The following FSD1 variants were observed in gnomAD, a reference collection of about 807,000 sequenced individuals.
The protein encoded by FSD1 is fibronectin type III and SPRY domain-containing protein 1.
FSD1 carries 23 observed loss-of-function variants against 58.2 expected under a neutral mutation model. The observed-to-expected ratio is 0.40, with a 90% CI of 0.28 to 0.56. The LOEUF is 0.56. FSD1 is among the 20% of genes least tolerant of loss of function. The pLI is 0.54. For synonymous variants in FSD1, 265 were observed against 263.4 expected, an observed-to-expected ratio of 1.01 and a Z score of -0.06; for missense variants, 563 against 670.8, an observed-to-expected ratio of 0.84 and a Z score of 1.78.
intron 10 of FSD1, among the ~76,000 whole-genome samples, chr19:4,321,252 G>T (rs1273203260): frequency 5.9e-5 from 9 of 151,268 alleles, no homozygotes; most frequent in Admixed American, 6.6e-5. Context: ...GAGTATCTGG[G>T]GGAAACAGCT....
intron 8 of FSD1, among the ~76,000 whole-genome samples, 157 bp from the exon 9 acceptor site, chr19:4,318,189 G>A (rs769861104): frequency 4.6e-5 from 7 of 151,208 alleles, no homozygotes; most frequent in African/African-American, 9.7e-5. Context: ...CCGAGGCTTC[G>A]TCAGTCTCTT....
chr19:4,322,353 G>A (rs979951416), intron 10 of FSD1, among the ~76,000 whole-genome samples: 2 of 151,522 alleles, frequency 1.3e-5, no homozygotes, highest in Non-Finnish European at 2.9e-5. Context: ...GGAGGGGATA[G>A]CTGGGATCCC....
chr19:4,307,755 A>G, intron 3 of FSD1, 127 bp from the exon 4 acceptor site: 1 of 644,078 alleles, frequency 1.6e-6, no homozygotes, highest in South Asian at 2.0e-5. Flanking sequence ...CAAGGCTCCA[A>G]TCTCCATCTC....
chr19:4,308,278 G>C (rs1372440104), intron 4 of FSD1, among the ~76,000 whole-genome samples: 1 of 152,002 alleles, frequency 6.6e-6, no homozygotes, highest in Admixed American at 6.6e-5. Flanking sequence ...TGTGGTGGTG[G>C]GCGCCTGTAA....
intron 1 of FSD1, among the ~76,000 whole-genome samples, chr19:4,305,021 A>AC (rs1183977415): frequency 4.4e-5 from 4 of 90,598 alleles, no homozygotes; most frequent in Admixed American, 1.3e-4. Flanking sequence ...CCCATCCCTG[A>AC]CCCCCATCCC....
chr19:4,319,071 C>G, intron 10 of FSD1, 120 bp downstream of exon 10: 1 of 748,762 alleles, frequency 1.3e-6, no homozygotes. Flanking sequence ...AAGCTGCTCC[C>G]GGAATAACAG....
At chr19:4,322,941 G>A in intron 10 of FSD1, 45 bp from the exon 11 acceptor site, 1 of 1,575,046 alleles carries the variant, frequency 6.3e-7, no homozygotes, top group Admixed American at 1.8e-5. Flanking sequence ...CTGTGGCCCA[G>A]TTCTATCCAG....
rs760615368 is a variant in FSD1, at chr19:4,306,208, C to G, written c.122C>G (p.Ala41Gly). ...QMLLNVEANS[A>G]KVQEDLEAEF... ...GCTGTTCCGACCCAGGCGAACTCGG[C>G]GAAGGTGCAGGAGGACCTCGAAGCA... Residue 41 changes from alanine to glycine, a missense_variant, in exon 3 of 13, where the codon GCG (alanine) becomes GGG (glycine). Physicochemically the swap from Ala to Gly is moderately conservative, Grantham distance 60. Transcript: ENST00000221856. The G allele has an allele frequency of 6.2e-7, 1 of 1,613,826 alleles. No individual in the cohort carries two copies. The highest frequency in any genetic ancestry group is 1.3e-5 in the African/African-American group (1 of 74,950).
chr19:4,323,310 C>T lies in FSD1; in HGVS notation c.1292-38C>T, dbSNP rs1971725446. ...CCCTCCGTCTGCCCCCATCCCACTT[C>T]TGACCGGTCCCACTGTCACTCTGCC... On this transcript the variant is annotated intron_variant, in intron 11 of 12. Transcript: ENST00000221856. The surrounding 1 kb of genome is among the most constrained non-coding windows in gnomAD (Gnocchi z 7.7). The T allele has an allele frequency of 8.7e-6, 14 of 1,610,280 alleles. No individual in the cohort carries two copies. Among genetic ancestry groups the T allele is most frequent in the Non-Finnish European group, 1.2e-5 (14 of 1,178,002 alleles).
At position 4,322,993 on chromosome 19, in the gene FSD1, G is replaced by A. The variant is rs67511110; in HGVS notation, c.1047G>A (p.Thr349=). 116,110 of 1,609,780 alleles carry A rather than the reference G, an allele frequency of 0.072. 4,523 individuals are homozygous for A. The highest frequency in any genetic ancestry group is 0.085 in the African/African-American group (6,344 of 74,864). The change falls in exon 11 of 13, where the codon ACG becomes ACA. Residue 349 remains threonine, a synonymous_variant. Coordinates refer to ENST00000221856, the MANE Select transcript of FSD1 (RefSeq NM_024333.3). The part of the protein sequence containing the change: ...TAESYTVLGD[T]LIDGGEHYWE... Reference sequence around the variant, plus strand: ...TCCTGCCCTGCGCCACAGGGGACACGCTGATCGACGGCGGGGAGCATTACT... The same window carrying A: ...TCCTGCCCTGCGCCACAGGGGACACACTGATCGACGGCGGGGAGCATTACT...
At chr19:4,319,499 C>T (rs548747318) in intron 10 of FSD1, among the ~76,000 whole-genome samples, 2 of 152,162 alleles carry the variant, frequency 1.3e-5, no homozygotes, top group South Asian at 4.1e-4. Flanking sequence ...GGAATTGCTA[C>T]TGTTCAGAAT....
At chr19:4,308,449 G>C (rs1193173138) in intron 4 of FSD1, among the ~76,000 whole-genome samples, 1 of 152,128 alleles carries the variant, frequency 6.6e-6, no homozygotes, top group Non-Finnish European at 1.5e-5. Flanking sequence ...CAGGCTGGGT[G>C]CAGTGGCTCA....
chr19:4,306,191 G>T lies in FSD1; in HGVS notation c.112-7G>T. The T allele has an allele frequency of 6.2e-7, 1 of 1,613,806 alleles. No homozygotes were observed. The highest frequency in any genetic ancestry group is 8.5e-7 in the Non-Finnish European group (1 of 1,179,874). ...GGCTTTGGCCGATTCTGGCTGTTCC[G>T]ACCCAGGCGAACTCGGCGAAGGTGC... On this transcript the variant is annotated splice_region_variant and splice_polypyrimidine_tract_variant and intron_variant, in intron 2 of 12. Transcript: ENST00000221856.
At chr19:4,308,183 G>A (rs369505850) in intron 4 of FSD1, among the ~76,000 whole-genome samples, 200 bp downstream of exon 4, 2 of 151,704 alleles carry the variant, frequency 1.3e-5, no homozygotes, top group Non-Finnish European at 2.9e-5. Context: ...CTGAGGCAGT[G>A]GATCACCTGA....
At chr19:4,306,173 G>A in intron 2 of FSD1, 25 bp from the exon 3 acceptor site, 6 of 1,613,828 alleles carry the variant, frequency 3.7e-6, no homozygotes, top group Non-Finnish European at 5.1e-6. Flanking sequence ...ACGGGCTTTG[G>A]CCGATTCTGG....
At chr19:4,315,228 C>T (rs1224571365) in intron 7 of FSD1, among the ~76,000 whole-genome samples, 4 of 151,504 alleles carry the variant, frequency 2.6e-5, no homozygotes, top group Non-Finnish European at 2.9e-5. Flanking sequence ...CAGGTTCAAG[C>T]GATTCTCCTG....
Position 4,310,716 on chromosome 19 carries a change from A to T in FSD1, c.490+120A>T, listed in dbSNP as rs766598556. 817 of 1,206,940 alleles carry T rather than the reference A, an allele frequency of 6.8e-4. 1 individual carries two copies. The highest frequency in any genetic ancestry group is 8.7e-4 in the Middle Eastern group (3 of 3,458). 74.8% of individuals were successfully genotyped at this position (1,206,940 alleles called of 1,614,324 possible). Reference sequence around the variant, plus strand: ...CCGGTGTCTGAATTCCGCCTGGGGGAGGTGGAGCTCTGAGAATTCCACGCC... The same window carrying T: ...CCGGTGTCTGAATTCCGCCTGGGGGTGGTGGAGCTCTGAGAATTCCACGCC... On this transcript the variant is annotated intron_variant, in intron 6 of 12. Coordinates refer to ENST00000221856, the MANE Select transcript of FSD1 (RefSeq NM_024333.3).
chr19:4,317,142 G>A, intron 7 of FSD1, 40 bp from the exon 8 acceptor site: 1 of 1,121,272 alleles, frequency 8.9e-7, no homozygotes, highest in Non-Finnish European at 1.4e-6. Context: ...GAGTCTCAGG[G>A]AATAATACAC....
chr19:4,308,499 G>C (rs568124069), intron 4 of FSD1, among the ~76,000 whole-genome samples: 1 of 152,218 alleles, frequency 6.6e-6, no homozygotes, highest in East Asian at 1.9e-4. Context: ...GAGGCAGGAG[G>C]ATTGCTTGAG....
Sources: gnomAD v4.1 joint callset for allele counts (sites outside exome capture counted in the v4.1 genomes callset) on GRCh38, gnomAD v4.1.1 for gene constraint, Gnocchi (gnomAD v3.1) non-coding constraint, MANE v1.5 for transcripts, NCBI Gene and HGNC (gene_info 2026-07-23, HGNC 2026-07-21) for gene names.